Variants in HUWE1 observed in about 807,000 individuals in gnomAD.
HUWE1 encodes the protein E3 ubiquitin-protein ligase HUWE1.
Under a neutral mutation model 299.4 loss-of-function variants are expected in HUWE1, and 18 were observed. The ratio of observed to expected loss-of-function variants is 0.06; its 90% CI spans 0.04 to 0.09. HUWE1 has a LOEUF of 0.09. Ranked by LOEUF, HUWE1 falls within the 10% of genes least tolerant of loss-of-function variation. HUWE1 has a pLI of 1.00. For synonymous variants in HUWE1, 1,317 were observed against 1,286.1 expected, an observed-to-expected ratio of 1.02 and a Z score of -0.51; for missense variants, 1,832 against 3,462.3, an observed-to-expected ratio of 0.53 and a Z score of 11.82.
At chrX:53,559,598 T>C (rs782452249) in intron 56 of HUWE1, 66 bp from the exon 57 acceptor site, 96 of 933,110 alleles carry the variant, frequency 1.0e-4, no homozygotes, top group Admixed American at 3.2e-4. Context: ...CCTGTTACCA[T>C]GAGATCCTCT....
intron 65 of HUWE1, 31 bp downstream of exon 65, chrX:53,550,870 C>A (rs2061740719): frequency 8.3e-7 from 1 of 1,209,913 alleles, no homozygotes; most frequent in South Asian, 1.8e-5. Flanking sequence ...CTAAAGCTTT[C>A]CAGAGCCCTC....
At chrX:53,567,610 C>T (rs1395328609) in intron 49 of HUWE1, among the ~76,000 whole-genome samples, 1 of 111,852 alleles carries the variant, frequency 8.9e-6, no homozygotes, top group Non-Finnish European at 1.9e-5. Context: ...GAGGCTAACA[C>T]AGAAAAATGC....
chrX:53,638,318 G>C (rs1052173447), intron 7 of HUWE1, among the ~76,000 whole-genome samples: 11 of 110,635 alleles, frequency 9.9e-5, no homozygotes, highest in Admixed American at 2.9e-4. Flanking sequence ...CCAGCCTGGG[G>C]GACAGAGCGA....
chrX:53,550,559 C>T, intron 66 of HUWE1, 107 bp downstream of exon 66: 1 of 693,989 alleles, frequency 1.4e-6, no homozygotes, highest in Non-Finnish European at 2.3e-6. Context: ...TTAGAGAGAC[C>T]ATCCATCCTG....
rs2068129786 is a variant in HUWE1 at position 53,647,428 on chromosome X, C to T, written c.291G>A (p.Leu97=). The change falls in exon 6 of 84, where the codon TTG becomes TTA. Residue 97 remains leucine (L), a synonymous_variant. Coordinates refer to ENST00000262854, the MANE Select transcript of HUWE1 (RefSeq NM_031407.7). ...EQLKMLLLAV[L]NFTALLIEYS... is the part of the protein sequence containing the mutation. The stretch of plus-strand genomic sequence containing the variant: ...ACTCAATGAGCAAGGCTGTGAAGTT[C>T]AACACAGCCAAGAGAAGCATTTTCA... 1 of 1,210,304 alleles carries T rather than the reference C, an allele frequency of 8.3e-7. No homozygotes were observed. Among genetic ancestry groups the T allele is most frequent in the Non-Finnish European group, 1.1e-6 (1 of 894,337 alleles).
At chrX:53,610,247 G>A (rs1180880197) in intron 23 of HUWE1, among the ~76,000 whole-genome samples, 1 of 112,012 alleles carries the variant, frequency 8.9e-6, no homozygotes, top group Non-Finnish European at 1.9e-5. Context: ...AAGAGCCTAA[G>A]TAGTAAAATC....
rs973255597 is a variant in HUWE1, at chrX:53,598,003, C to A, written c.3163+2115G>T. Among the ~76,000 whole-genome samples the A allele has an allele frequency of 7.2e-5, 8 of 111,458 alleles. No homozygotes were observed. The Admixed American group carries it at 7.6e-4, about 11-fold the overall frequency. ...ATGACAGCGCCAATCAAGGAAATCA[C>A]GAGTTTGTGGATATAGCAAAAAAAA... On this transcript the variant is annotated intron_variant, in intron 29 of 83. Transcript: ENST00000262854.
intron 15 of HUWE1, among the ~76,000 whole-genome samples, chrX:53,628,219 C>A (rs1031811918): frequency 9.0e-5 from 10 of 111,046 alleles, no homozygotes; most frequent in African/African-American, 3.3e-4. Context: ...TGTGTAAAGG[C>A]ATGATAACAT....
At chrX:53,560,486 A>G in intron 55 of HUWE1, 70 bp from the exon 56 acceptor site, 1 of 961,827 alleles carries the variant, frequency 1.0e-6, no homozygotes, top group Non-Finnish European at 1.5e-6. Flanking sequence ...AAGCAGAATC[A>G]TGTCTCCTGG....
At chrX:53,546,393 T>C (rs2061541679) in intron 70 of HUWE1, 43 bp downstream of exon 70, 1 of 1,161,493 alleles carries the variant, frequency 8.6e-7, no homozygotes, top group Non-Finnish European at 1.2e-6. Context: ...AGCACCTAAG[T>C]GGAAACCTTC....
chrX:53,569,522 G>C (rs1236328113), intron 48 of HUWE1, 94 bp downstream of exon 48: 1 of 805,200 alleles, frequency 1.2e-6, no homozygotes, highest in Non-Finnish European at 1.9e-6. Context: ...AGTATGACAA[G>C]AAGTTTTGTT....
chrX:53,676,096 C>T (rs2069807958), intron 3 of HUWE1, among the ~76,000 whole-genome samples: 2 of 111,659 alleles, frequency 1.8e-5, no homozygotes, highest in Admixed American at 1.9e-4. Flanking sequence ...TGATCCCACA[C>T]AGACCTAAAG....
chrX:53,592,515 A>G lies in HUWE1; in HGVS notation c.3855T>C (p.Pro1285=). The change falls in exon 33 of 84, where the codon CCT becomes CCC. Residue 1285 remains proline, a synonymous_variant. Coordinates refer to ENST00000262854, the MANE Select transcript of HUWE1 (RefSeq NM_031407.7). ...CCTTGCTTAGTCTCTCTCGAATCAC[A>G]GGTTCTCCTCGGAGGATGTGGCATA... is the stretch of plus-strand genomic sequence containing the variant. ...AILCHILRGE[P]VIRERLSKEK... 1 of 1,209,941 alleles carries G rather than the reference A, an allele frequency of 8.3e-7. No individual in the cohort carries two copies. The highest frequency in any genetic ancestry group is 1.1e-6 in the Non-Finnish European group (1 of 894,216).
chrX:53,592,888 G>A (rs1027517081), intron 32 of HUWE1, among the ~76,000 whole-genome samples: 1 of 111,555 alleles, frequency 9.0e-6, no homozygotes, highest in African/African-American at 3.3e-5. Context: ...TGGGTCATGG[G>A]GGTGGATCCC....
At chrX:53,551,683 T>A (rs1378492143) in intron 63 of HUWE1, among the ~76,000 whole-genome samples, 1 of 110,907 alleles carries the variant, frequency 9.0e-6, no homozygotes, top group Non-Finnish European at 1.9e-5. Context: ...CTAATTTACA[T>A]ATATATTTTT....
At chrX:53,568,960 C>G in intron 48 of HUWE1, 86 bp from the exon 49 acceptor site, 1 of 800,363 alleles carries the variant, frequency 1.2e-6, no homozygotes, top group South Asian at 2.3e-5. Context: ...AGATAACCCT[C>G]CTGTAACTTT....
Position 53,585,755 on chromosome X carries a change from C to T in HUWE1, c.4825-567G>A, listed in dbSNP as rs782005714. ...GGAGTGCAGTGACGCGATGCCGGCT[C>T]GGTTCACTGCAACCTCTGCCTCCCA... On this transcript the variant is annotated intron_variant, in intron 39 of 83. Coordinates refer to ENST00000262854, the MANE Select transcript of HUWE1 (RefSeq NM_031407.7). Among the ~76,000 whole-genome samples, 20 of 111,914 alleles carry T rather than the reference C, an allele frequency of 1.8e-4. No individual in the cohort carries two copies. In the Admixed American group the frequency reaches 1.8e-3, roughly 10 times the overall value.
At chrX:53,534,775 C>T (rs2060928250) in intron 81 of HUWE1, 78 bp from the exon 82 acceptor site, 1 of 904,057 alleles carries the variant, frequency 1.1e-6, no homozygotes, top group Admixed American at 2.5e-5. Flanking sequence ...ATCTGGCTCC[C>T]ATCTACCACT....
chrX:53,585,229 G>A, intron 39 of HUWE1, 41 bp from the exon 40 acceptor site: 3 of 1,170,717 alleles, frequency 2.6e-6, no homozygotes, highest in Non-Finnish European at 3.5e-6. Context: ...TTTCTTTCAA[G>A]GTTGATTAGA....
Sources: gnomAD v4.1 joint callset for allele counts (sites outside exome capture counted in the v4.1 genomes callset) on GRCh38, gnomAD v4.1.1 for gene constraint, MANE v1.5 for transcripts, NCBI Gene and HGNC (gene_info 2026-07-23, HGNC 2026-07-21) for gene names.